The following LEKR1 variants were observed in gnomAD, a reference collection of about 807,000 sequenced individuals.
LEKR1 encodes the protein protein LEKR1.
LEKR1 carries 59 observed loss-of-function variants against 72.4 expected under a neutral mutation model. The observed-to-expected ratio is 0.82, with a 90% CI of 0.66 to 1.01. The LOEUF is 1.01. LEKR1 is among the 50% of genes least tolerant of loss of function. LEKR1 has a pLI of 0.00. For missense variants in LEKR1, 728 were observed against 759.2 expected (o/e 0.96, Z 0.48); for synonymous variants, 257 against 263.2 (o/e 0.98, Z 0.23).
At chr3:157,030,974 G>A (rs116749146) in intron 12 of LEKR1, among the ~76,000 whole-genome samples, 123 of 152,170 alleles carry the variant, frequency 8.1e-4, no homozygotes, top group Non-Finnish European at 1.3e-3. Context: ...ACCTAATCTC[G>A]GAAGAGACAT....
chr3:156,827,716 T>A (rs1711820419), intron 1 of LEKR1, among the ~76,000 whole-genome samples: 1 of 152,222 alleles, frequency 6.6e-6, no homozygotes, highest in East Asian at 1.9e-4. Context: ...TTCCCCCCGA[T>A]AATCAGAACC....
rs966693849 is a variant in LEKR1 at position 156,924,363 on chromosome 3, T to C, written c.384-3066T>C. ...GTAAGAGTTCTTTCTATATTCTGGG[T>C]ATAAGGCCTTTATATGAACTATGAT... On this transcript the variant is annotated intron_variant, in intron 4 of 12. Transcript: ENST00000356539. 1.3e-5 allele frequency: 6 copies of C among 445,164 alleles called. No individual in the cohort carries two copies. The Admixed American group carries it at 2.0e-4, about 15-fold the overall frequency. 27.6% of individuals were successfully genotyped at this position (445,164 alleles called of 1,614,324 possible).
At chr3:156,970,194 C>G (rs1005975366) in intron 6 of LEKR1, among the ~76,000 whole-genome samples, 2 of 152,202 alleles carry the variant, frequency 1.3e-5, no homozygotes, top group African/African-American at 4.8e-5. Flanking sequence ...TGGAAGCATT[C>G]CCTTTGAAAA....
chr3:156,886,824 A>G (rs926456500), intron 3 of LEKR1, among the ~76,000 whole-genome samples: 1 of 152,176 alleles, frequency 6.6e-6, no homozygotes, highest in Non-Finnish European at 1.5e-5. Context: ...GCTTCCTTCA[A>G]AGGATCTGTG....
At chr3:156,995,218 A>G (rs1195931573) in intron 9 of LEKR1, among the ~76,000 whole-genome samples, 1 of 152,222 alleles carries the variant, frequency 6.6e-6, no homozygotes, top group African/African-American at 2.4e-5. Context: ...TAACCTCAGT[A>G]GAATATATAT....
chr3:156,843,632 T>C (rs1437378189), intron 2 of LEKR1, among the ~76,000 whole-genome samples: 1 of 152,174 alleles, frequency 6.6e-6, no homozygotes, highest in African/African-American at 2.4e-5. Flanking sequence ...ACTTTGGAAC[T>C]TTGAAATTTA....
At chr3:157,002,465 T>C (rs1456790681) in intron 9 of LEKR1, among the ~76,000 whole-genome samples, 1 of 152,174 alleles carries the variant, frequency 6.6e-6, no homozygotes, top group Non-Finnish European at 1.5e-5. Flanking sequence ...GGAATCTAGA[T>C]TATCTTTTTC....
chr3:156,911,271 T>G (rs1410690237), intron 3 of LEKR1, among the ~76,000 whole-genome samples: 3 of 148,968 alleles, frequency 2.0e-5, no homozygotes, highest in East Asian at 2.0e-4. Context: ...CTCAAAAAAT[T>G]TTCTTTGAGA....
intron 9 of LEKR1, among the ~76,000 whole-genome samples, chr3:156,998,400 C>G (rs1461804714): frequency 6.6e-6 from 1 of 152,176 alleles, no homozygotes; most frequent in Non-Finnish European, 1.5e-5. Context: ...CTTACACCAG[C>G]ATGTGGCCTA....
intron 10 of LEKR1, chr3:157,017,610 A>C (rs1175785217): frequency 6.6e-6 from 1 of 152,292 alleles, no homozygotes; most frequent in East Asian, 1.9e-4. Flanking sequence ...TAATATAAAA[A>C]CACAATAGAT....
chr3:156,920,255 T>C (rs1039867583), intron 3 of LEKR1, among the ~76,000 whole-genome samples: 1 of 152,100 alleles, frequency 6.6e-6, no homozygotes, highest in African/African-American at 2.4e-5. Flanking sequence ...TTAAATGAAA[T>C]TAAATTAATA....
intron 9 of LEKR1, among the ~76,000 whole-genome samples, chr3:157,003,022 G>A (rs1732131346): frequency 6.6e-6 from 1 of 152,136 alleles, no homozygotes; most frequent in African/African-American, 2.4e-5. Context: ...CAAATATTCA[G>A]TACCATCTAC....
chr3:156,881,072 C>A (rs1293713693), intron 3 of LEKR1, among the ~76,000 whole-genome samples: 1 of 152,202 alleles, frequency 6.6e-6, no homozygotes, highest in Non-Finnish European at 1.5e-5. Flanking sequence ...TGGAAGCATT[C>A]TCTTTGAAAA....
intron 12 of LEKR1, among the ~76,000 whole-genome samples, chr3:157,031,289 T>C (rs1014488803): frequency 5.3e-5 from 8 of 152,074 alleles, no homozygotes; most frequent in Non-Finnish European, 1.0e-4. Context: ...CTGAAAGACA[T>C]AAGACATTGG....
chr3:156,888,591 G>A (rs1432628161), intron 3 of LEKR1: 2 of 487,040 alleles, frequency 4.1e-6, no homozygotes, highest in Non-Finnish European at 7.4e-6. Context: ...GAAAGAGAGA[G>A]CTAATTAAGC....
At chr3:156,899,558 A>G (rs1291669992) in intron 3 of LEKR1, among the ~76,000 whole-genome samples, 3 of 141,570 alleles carry the variant, frequency 2.1e-5, no homozygotes, top group Non-Finnish European at 4.6e-5. Flanking sequence ...ACACATATAT[A>G]CATATACATG....
chr3:156,937,173 GAACAACAACAAC>G (rs58343127), intron 5 of LEKR1, among the ~76,000 whole-genome samples: 4 of 151,096 alleles, frequency 2.6e-5, no homozygotes, highest in African/African-American at 9.7e-5. Flanking sequence ...AGAACAGCAA[GAACAACAACAAC>G]AACAACAACA....
chr3:156,907,396 A>G (rs1722629552), intron 3 of LEKR1, among the ~76,000 whole-genome samples: 1 of 152,106 alleles, frequency 6.6e-6, no homozygotes, highest in Non-Finnish European at 1.5e-5. Flanking sequence ...GCTAGGACAT[A>G]CAAGTCTACT....
chr3:156,830,836 A>G (rs1294034123), intron 2 of LEKR1, among the ~76,000 whole-genome samples: 1 of 152,232 alleles, frequency 6.6e-6, no homozygotes, highest in Non-Finnish European at 1.5e-5. Flanking sequence ...GAGGTTTGGC[A>G]TAAAAAAGAA....
Sources: gnomAD v4.1 joint callset for allele counts (sites outside exome capture counted in the v4.1 genomes callset) on GRCh38, gnomAD v4.1.1 for gene constraint, MANE v1.5 for transcripts, NCBI Gene and HGNC (gene_info 2026-07-23, HGNC 2026-07-21) for gene names.